ADGRL3: variants seen among roughly 807,000 people sequenced by gnomAD.
ADGRL3 encodes calcium-independent alpha-latrotoxin receptor 3.
A neutral mutation model predicts 153.5 loss-of-function variants in ADGRL3; 62 were observed. The observed-to-expected ratio is 0.40, with a 90% CI of 0.33 to 0.50. The LOEUF is 0.50. Among genes scored for constraint, ADGRL3 ranks in the 20% least tolerant of loss-of-function variants. ADGRL3 has a pLI of 0.47. For missense variants in ADGRL3, 1,641 were observed against 1,859.4 expected, an observed-to-expected ratio of 0.88 and a Z score of 2.16; for synonymous variants, 710 against 672.5, an observed-to-expected ratio of 1.06 and a Z score of -0.86.
intron 8 of ADGRL3, among the ~76,000 whole-genome samples, chr4:61,792,143 C>A (rs1280708850): frequency 1.3e-5 from 2 of 152,206 alleles, no homozygotes; most frequent in East Asian, 1.9e-4. Context: ...TGCAAACAAA[C>A]TTTTATGCTC....
intron 17 of ADGRL3, among the ~76,000 whole-genome samples, chr4:61,957,319 C>T (rs1047647573): frequency 5.7e-4 from 87 of 152,110 alleles, no homozygotes; most frequent in African/African-American, 2.0e-3. Context: ...AGTCCATTCA[C>T]GATTTGGCTC....
chr4:61,778,440 T>C (rs916139324), intron 8 of ADGRL3, among the ~76,000 whole-genome samples: 10 of 152,216 alleles, frequency 6.6e-5, no homozygotes, highest in African/African-American at 2.4e-4. Flanking sequence ...AGAAAACCGT[T>C]AAGTGTAAAA....
At chr4:61,415,285 T>C (rs1026454546) in intron 2 of ADGRL3, among the ~76,000 whole-genome samples, 2 of 152,030 alleles carry the variant, frequency 1.3e-5, no homozygotes, top group East Asian at 1.9e-4. Flanking sequence ...CTTTCACGTA[T>C]TGGTAATTAT....
At chr4:61,490,907 A>G (rs1399166683) in intron 2 of ADGRL3, among the ~76,000 whole-genome samples, 1 of 152,204 alleles carries the variant, frequency 6.6e-6, no homozygotes, top group Non-Finnish European at 1.5e-5. Context: ...ACCTTAAAGG[A>G]GAAGCATATG....
intron 3 of ADGRL3, among the ~76,000 whole-genome samples, chr4:61,501,067 A>G (rs192396572): frequency 4.7e-4 from 71 of 152,320 alleles, no homozygotes; most frequent in Non-Finnish European, 9.1e-4. Flanking sequence ...CTTGGGACAG[A>G]CAGACTGTGG....
At chr4:61,930,506 T>C (rs1331729277) in intron 13 of ADGRL3, among the ~76,000 whole-genome samples, 5 of 152,200 alleles carry the variant, frequency 3.3e-5, no homozygotes, top group Admixed American at 6.5e-5. Context: ...GCAGTAGTTA[T>C]AACAAATAAA....
At chr4:61,906,053 A>G (rs1441529546) in intron 11 of ADGRL3, among the ~76,000 whole-genome samples, 2 of 151,754 alleles carry the variant, frequency 1.3e-5, no homozygotes, top group South Asian at 2.1e-4. Context: ...GCTTTGTTCT[A>G]TATATTTAAA....
At chr4:62,029,310 A>C (rs1720651527) in intron 22 of ADGRL3, among the ~76,000 whole-genome samples, 1 of 151,794 alleles carries the variant, frequency 6.6e-6, no homozygotes, top group Non-Finnish European at 1.5e-5. Context: ...AAACTACCCA[A>C]TTGCAATTGA....
intron 3 of ADGRL3, among the ~76,000 whole-genome samples, chr4:61,511,806 T>A (rs1167389676): frequency 6.6e-6 from 1 of 152,138 alleles, no homozygotes. Flanking sequence ...TTGAAACAGA[T>A]TTACCCCTCT....
chr4:61,767,925 G>T (rs1283647039), intron 8 of ADGRL3, among the ~76,000 whole-genome samples: 2 of 152,124 alleles, frequency 1.3e-5, no homozygotes, highest in East Asian at 3.9e-4. Context: ...AAGTCCTGTT[G>T]TGGGGTTTGA....
rs145769442 is a variant in ADGRL3 at position 61,377,184 on chromosome 4, T to C, written c.-239-5940T>C. 2.7e-3 allele frequency among the ~76,000 whole-genome samples: 415 copies of C among 152,130 alleles called. 4 individuals carry two copies. The highest frequency in any genetic ancestry group is 9.7e-3 in the African/African-American group (402 of 41,524). ...TAGGGAATGGTACGGAATGGTATAG[T>C]ATCATATCCTAGCCCATCCTCCTAT... is the stretch of plus-strand genomic sequence containing the variant. On this transcript the variant is annotated intron_variant, in intron 1 of 26. Transcript: ENST00000683033.
At chr4:61,741,221 G>C (rs183925370) in intron 8 of ADGRL3, among the ~76,000 whole-genome samples, 1 of 152,126 alleles carries the variant, frequency 6.6e-6, no homozygotes, top group Non-Finnish European at 1.5e-5. Flanking sequence ...GTGCACCCTC[G>C]TCAGAAAATG....
intron 17 of ADGRL3, among the ~76,000 whole-genome samples, chr4:61,952,777 TAAACTC>T (rs1177298702): frequency 3.9e-5 from 6 of 152,166 alleles, no homozygotes; most frequent in African/African-American, 1.4e-4. Context: ...GCCTAGGTAA[TAAACTC>T]AGACTCAGAA....
intron 7 of ADGRL3, among the ~76,000 whole-genome samples, chr4:61,731,769 C>T (rs1159900064): frequency 6.6e-6 from 1 of 152,134 alleles, no homozygotes; most frequent in Non-Finnish European, 1.5e-5. Flanking sequence ...AGCTATGCCA[C>T]TTGAAACATG....
rs548794330 is a variant in ADGRL3 at position 61,713,845 on chromosome 4, T to A, written c.584-16777T>A. On this transcript the variant is annotated intron_variant, in intron 6 of 26. Transcript: ENST00000683033. ...GGGCTAACTTCGAATAAATGTTATA[T>A]CACAAAATGAAGTAGGAGAAAAGAA... 3.3e-5 allele frequency among the ~76,000 whole-genome samples: 5 copies of A among 152,318 alleles called. No individual in the cohort carries two copies. In the South Asian group the frequency reaches 1.0e-3, roughly 32 times the overall value.
At chr4:61,355,788 A>C (rs183142807) in intron 1 of ADGRL3, among the ~76,000 whole-genome samples, 1 of 152,088 alleles carries the variant, frequency 6.6e-6, no homozygotes, top group South Asian at 2.1e-4. Context: ...AGAATAAAAG[A>C]AATGGCAGTT....
intron 9 of ADGRL3, among the ~76,000 whole-genome samples, chr4:61,885,379 G>C (rs982704284): frequency 3.3e-5 from 5 of 152,096 alleles, no homozygotes; most frequent in African/African-American, 1.2e-4. Context: ...CCTTAACAGT[G>C]CCCATGTTGT....
intron 5 of ADGRL3, among the ~76,000 whole-genome samples, chr4:61,611,658 C>T (rs1236594120): frequency 6.6e-6 from 1 of 152,110 alleles, no homozygotes; most frequent in Non-Finnish European, 1.5e-5. Flanking sequence ...CACGGCGGCT[C>T]GTGCTTGTAA....
chr4:61,745,691 A>C (rs1351153728), intron 8 of ADGRL3, among the ~76,000 whole-genome samples: 6 of 152,206 alleles, frequency 3.9e-5, no homozygotes, highest in Admixed American at 1.3e-4. Flanking sequence ...GGCTTCCCTA[A>C]AAGAGCTCCT....
Sources: gnomAD v4.1 joint callset for allele counts (sites outside exome capture counted in the v4.1 genomes callset) on GRCh38, gnomAD v4.1.1 for gene constraint, MANE v1.5 for transcripts, NCBI Gene and HGNC (gene_info 2026-07-23, HGNC 2026-07-21) for gene names.